TNRC6B: variants seen among roughly 807,000 people sequenced by gnomAD.
TNRC6B encodes trinucleotide repeat-containing gene 6B protein.
A neutral mutation model predicts 203.6 loss-of-function variants in TNRC6B; 52 were observed. That is an observed-to-expected ratio of 0.26 (90% confidence interval 0.20 to 0.32). The LOEUF is 0.32. TNRC6B is among the 10% of genes least tolerant of loss of function. The pLI is 1.00. For missense variants in TNRC6B, 1,923 were observed against 2,286.2 expected (o/e 0.84, Z 3.24); for synonymous variants, 838 against 845.7 (o/e 0.99, Z 0.16).
chr22:40,168,320 C>T (rs2068939861), intron 4 of TNRC6B, among the ~76,000 whole-genome samples: 1 of 152,106 alleles, frequency 6.6e-6, no homozygotes, highest in Non-Finnish European at 1.5e-5. Flanking sequence ...CATACTCTGC[C>T]CTCTTAAGGG....
intron 1 of TNRC6B, among the ~76,000 whole-genome samples, chr22:40,218,188 T>C (rs1189832561): frequency 6.6e-6 from 1 of 151,994 alleles, no homozygotes; most frequent in Admixed American, 6.6e-5. Flanking sequence ...TTAGGAATGA[T>C]TTTTAAAATT....
chr22:40,175,909 A>AT (rs2069051572), upstream of TNRC6B, among the ~76,000 whole-genome samples: 1 of 152,238 alleles, frequency 6.6e-6, no homozygotes, highest in Non-Finnish European at 1.5e-5. Context: ...GGGAGACTGT[A>AT]TAAAGACCCA....
chr22:40,089,413 A>G (rs58699216), intron 1 of TNRC6B, among the ~76,000 whole-genome samples: 1 of 151,958 alleles, frequency 6.6e-6, no homozygotes, highest in Middle Eastern at 3.4e-3. Context: ...TTTTATTTTT[A>G]GTAGAGATGG....
chr22:40,143,713 G>C (rs562012451), intron 3 of TNRC6B, among the ~76,000 whole-genome samples: 2 of 152,148 alleles, frequency 1.3e-5, no homozygotes. Context: ...AGCCAGGATG[G>C]TCTCGATCTC....
chr22:40,145,907 G>C (rs2068691333), intron 3 of TNRC6B, among the ~76,000 whole-genome samples: 1 of 152,124 alleles, frequency 6.6e-6, no homozygotes, highest in African/African-American at 2.4e-5. Context: ...TTGAAATGCT[G>C]GCATATAATC....
At chr22:40,280,195 C>G in intron 10 of TNRC6B, 52 bp downstream of exon 10, 1 of 1,557,978 alleles carries the variant, frequency 6.4e-7, no homozygotes, top group South Asian at 1.2e-5. Context: ...CGCTTTGGTT[C>G]CCATTTGTCT....
intron 3 of TNRC6B, among the ~76,000 whole-genome samples, chr22:40,135,446 A>ATTTAT (rs1268609001): frequency 6.6e-6 from 1 of 152,198 alleles, no homozygotes; most frequent in Admixed American, 6.5e-5. Flanking sequence ...GATTAAACAA[A>ATTTAT]TTTATTTTAT....
At chr22:40,052,660 G>T (rs950083870) in intron 1 of TNRC6B, among the ~76,000 whole-genome samples, 2 of 151,930 alleles carry the variant, frequency 1.3e-5, no homozygotes, top group African/African-American at 4.8e-5. Context: ...TGTTGCCCAG[G>T]CTGGTCTGGA....
At chr22:40,075,928 C>T (rs1476627183) in intron 1 of TNRC6B, among the ~76,000 whole-genome samples, 1 of 152,166 alleles carries the variant, frequency 6.6e-6, no homozygotes, top group African/African-American at 2.4e-5. Flanking sequence ...ATACATTTTA[C>T]TTCGACATGT....
intron 1 of TNRC6B, among the ~76,000 whole-genome samples, chr22:40,094,660 G>A (rs981198055): frequency 6.6e-6 from 1 of 152,312 alleles, no homozygotes; most frequent in African/African-American, 2.4e-5. Context: ...GTTGGCTTAA[G>A]ATTTCCCAGT....
At chr22:40,116,372 G>A (rs983366722) in intron 1 of TNRC6B, among the ~76,000 whole-genome samples, 1 of 152,118 alleles carries the variant, frequency 6.6e-6, no homozygotes, top group Non-Finnish European at 1.5e-5. Flanking sequence ...GAAGTTGCTG[G>A]CCATTTAATA....
At chr22:40,215,689 C>T (rs918533559) in intron 1 of TNRC6B, among the ~76,000 whole-genome samples, 1 of 152,184 alleles carries the variant, frequency 6.6e-6, no homozygotes, top group Non-Finnish European at 1.5e-5. Context: ...CTCTATAGTA[C>T]CTTAGTGTTC....
At chr22:40,312,004 C>T (rs1309858481) in intron 17 of TNRC6B, among the ~76,000 whole-genome samples, 1 of 152,180 alleles carries the variant, frequency 6.6e-6, no homozygotes, top group East Asian at 1.9e-4. Context: ...ATATTCTAGG[C>T]TTTCTTTTGC....
At chr22:40,234,541 A>G (rs1478587468) in intron 1 of TNRC6B, among the ~76,000 whole-genome samples, 1 of 152,194 alleles carries the variant, frequency 6.6e-6, no homozygotes. Context: ...TTAACAAGAT[A>G]CCCATTAAAG....
intron 1 of TNRC6B, among the ~76,000 whole-genome samples, chr22:40,186,651 T>A (rs919745563): frequency 4.6e-5 from 7 of 151,348 alleles, no homozygotes; most frequent in Non-Finnish European, 7.4e-5. Flanking sequence ...TGCAGGAGAA[T>A]TGCTTGAACC....
At chr22:40,299,133 A>T (rs1166992657) in intron 12 of TNRC6B, among the ~76,000 whole-genome samples, 1 of 145,518 alleles carries the variant, frequency 6.9e-6, no homozygotes, top group Middle Eastern at 3.6e-3. Context: ...TGACAGAGTG[A>T]GACCCTGTCT....
intron 1 of TNRC6B, among the ~76,000 whole-genome samples, chr22:40,072,185 T>TTA (rs1419698986): frequency 6.6e-6 from 1 of 152,230 alleles, no homozygotes; most frequent in Non-Finnish European, 1.5e-5. Context: ...TGTCTGAGTA[T>TTA]TATTCAGACA....
At position 40,267,124 on chromosome 22, in the gene TNRC6B, G is replaced by A. The variant is rs1010235494; in HGVS notation, c.2806+88G>A. On this transcript the variant is annotated intron_variant, in intron 5 of 22. Coordinates refer to ENST00000454349, the MANE Select transcript of TNRC6B (RefSeq NM_001162501.2). ...TTATTAGGTGAATTTATTCAACTTA[G>A]TTTTGTTCTGAGATGCTTTCCTACA... is the stretch of plus-strand genomic sequence containing the variant. 8 of 1,359,616 alleles carry A rather than the reference G, an allele frequency of 5.9e-6. No individual in the cohort carries two copies. In the African/African-American group the frequency reaches 1.2e-4, roughly 20 times the overall value. The allele number at this position is 1,359,616 out of a possible 1,614,324, so 84.2% of individuals were successfully genotyped here.
intron 1 of TNRC6B, among the ~76,000 whole-genome samples, chr22:40,078,810 G>A (rs534200966): frequency 1.6e-4 from 25 of 151,588 alleles, no homozygotes; most frequent in Non-Finnish European, 2.7e-4. Flanking sequence ...GCGGTGGCTC[G>A]TGCCTGTAAT....
Sources: allele counts gnomAD v4.1 joint callset (sites outside exome capture counted in the v4.1 genomes callset), GRCh38; gene constraint gnomAD v4.1.1; transcripts MANE v1.5; gene names NCBI Gene and HGNC (gene_info 2026-07-23, HGNC 2026-07-21).